The following SF3B1 variants were observed in gnomAD, a reference collection of about 807,000 sequenced individuals.
SF3B1 encodes splicing factor 3b subunit 1, also known as pre-mRNA processing 10.
Under a neutral mutation model 153.8 loss-of-function variants are expected in SF3B1, and 12 were observed. The ratio of observed to expected loss-of-function variants is 0.08; its 90% CI spans 0.05 to 0.13. The LOEUF (loss-of-function observed/expected upper bound fraction) is 0.13, where lower values mean the gene tolerates loss of function less well. SF3B1 is among the 10% of genes least tolerant of loss of function. The probability of loss-of-function intolerance (pLI) is 1.00; values close to 1 mark genes in which losing one functional copy is unlikely to be tolerated. For synonymous variants in SF3B1, 498 were observed against 525.2 expected, an observed-to-expected ratio of 0.95 and a Z score of 0.71; for missense variants, 513 against 1,606.1, an observed-to-expected ratio of 0.32 and a Z score of 11.63.
rs936292721 is a variant in SF3B1 at position 197,400,614 on chromosome 2, CTTCAAA to C, written c.2718+95_2718+100del. 9.4e-7 allele frequency: 1 copy of C among 1,067,208 alleles called. No homozygotes were observed. The highest frequency in any genetic ancestry group is 1.4e-6 in the Non-Finnish European group (1 of 739,646). 66.1% of individuals were successfully genotyped at this position (1,067,208 alleles called of 1,614,324 possible). The stretch of plus-strand genomic sequence containing the variant: ...AACCCCCTGAGCATTTTAAAAATTA[CTTCAAA>C]TTCAATTGCATTCTAGAAAAATTTG... On this transcript the variant is annotated intron_variant, in intron 18 of 24. Transcript: ENST00000335508. This position sits in a 1 kb window ranked among gnomAD's most constrained non-coding sequence, Gnocchi z 5.0.
chr2:197,419,242 T>C, intron 4 of SF3B1: 1 of 390,596 alleles, frequency 2.6e-6, no homozygotes, highest in Non-Finnish European at 4.6e-6. Context: ...AACATATTAC[T>C]TTAAATATAT....
intron 9 of SF3B1, among the ~76,000 whole-genome samples, chr2:197,406,569 G>A (rs760198687): frequency 3.9e-5 from 6 of 152,254 alleles, no homozygotes; most frequent in Non-Finnish European, 2.9e-5. Flanking sequence ...TAGTAAGGAC[G>A]TTGCTTATTA....
At position 197,400,711 on chromosome 2, in the gene SF3B1, T is replaced by C. The variant is rs1274587209; in HGVS notation, c.2718+4A>G. The C allele has an allele frequency of 6.3e-7, 1 of 1,585,452 alleles. No individual in the cohort carries two copies. On this transcript the variant is annotated splice_donor_region_variant and intron_variant, in intron 18 of 24. Coordinates refer to ENST00000335508, the MANE Select transcript of SF3B1 (RefSeq NM_012433.4). The surrounding 1 kb of genome is among the most constrained non-coding windows in gnomAD (Gnocchi z 5.0). ...TAGCAATGTGCCATAATAGTTTTCA[T>C]TACCTCTGTAGTCTGTTCTTGGAAA...
At chr2:197,416,683 C>T (rs549314310) in intron 6 of SF3B1, 58 bp downstream of exon 6, 1 of 1,472,144 alleles carries the variant, frequency 6.8e-7, no homozygotes, top group Non-Finnish European at 9.3e-7. Context: ...CAGACTAATA[C>T]AGTCCATAAC....
At chr2:197,414,411 A>G (rs1178750084) in intron 6 of SF3B1, among the ~76,000 whole-genome samples, 1 of 152,144 alleles carries the variant, frequency 6.6e-6, no homozygotes, top group Admixed American at 6.6e-5. Flanking sequence ...ATAACACCCC[A>G]AAGTTCAGAG....
rs2084793414 is a variant in SF3B1 at position 197,390,010 on chromosome 2, A to T, written c.*2293T>A. The T allele has an allele frequency of 6.6e-6, 1 of 152,242 alleles. No homozygotes were observed. Among genetic ancestry groups the T allele is most frequent in the South Asian group, 2.1e-4 (1 of 4,834 alleles). The allele number at this position is 152,242 out of a possible 1,614,324, so 9.4% of individuals were successfully genotyped here. On this transcript the variant is annotated 3_prime_UTR_variant, in exon 25 of 25. Transcript: ENST00000335508. Reference sequence around the variant, plus strand: ...AAGAAACACCAAAAGAAAATACAAAAGAAAAGGTCTTTGAGAAGATAGGTA... The same window carrying T: ...AAGAAACACCAAAAGAAAATACAAATGAAAAGGTCTTTGAGAAGATAGGTA...
At chr2:197,399,979 G>C (rs1000650074) in intron 20 of SF3B1, 76 bp downstream of exon 20, 1 of 1,042,662 alleles carries the variant, frequency 9.6e-7, no homozygotes, top group Admixed American at 2.3e-5. Flanking sequence ...TCCTAAATAA[G>C]ATTTTACTTA....
chr2:197,416,051 T>C (rs1481937536), intron 6 of SF3B1, among the ~76,000 whole-genome samples: 1 of 145,874 alleles, frequency 6.9e-6, no homozygotes, highest in Non-Finnish European at 1.5e-5. Flanking sequence ...CTCCTTGAGC[T>C]CAACCAATCC....
At chr2:197,431,076 T>G (rs1018524651) in intron 1 of SF3B1, among the ~76,000 whole-genome samples, 17 of 147,850 alleles carry the variant, frequency 1.1e-4, no homozygotes, top group Non-Finnish European at 6.0e-5. Flanking sequence ...ATTCTGTCCC[T>G]CTGATTTCCC....
At position 197,404,423 on chromosome 2, in the gene SF3B1, T is replaced by C. The variant is rs183323868; in HGVS notation, c.1539+653A>G. Among the ~76,000 whole-genome samples the C allele has an allele frequency of 2.2e-3, 330 of 152,130 alleles. 2 individuals carry two copies. The highest frequency in any genetic ancestry group is 3.4e-3 in the Middle Eastern group (1 of 294). On this transcript the variant is annotated intron_variant, in intron 11 of 24. Coordinates refer to ENST00000335508, the MANE Select transcript of SF3B1 (RefSeq NM_012433.4). ...GGTGAAACCCCGTTTCTACTAAAAA[T>C]ACAGAAATTAGCAGGGCGTGGTGGT...
intron 1 of SF3B1, among the ~76,000 whole-genome samples, chr2:197,433,840 G>A (rs1349590698): frequency 6.6e-6 from 1 of 152,172 alleles, no homozygotes; most frequent in Non-Finnish European, 1.5e-5. Flanking sequence ...AGGCTCAGAT[G>A]TCCTTCCCGA....
At chr2:197,420,356 AAATC>A (rs1414596000) in intron 4 of SF3B1, 68 bp downstream of exon 4, 1 of 1,186,286 alleles carries the variant, frequency 8.4e-7, no homozygotes, top group Admixed American at 1.9e-5. Flanking sequence ...ATGCCAAAAA[AAATC>A]AAAGGGCTAA....
At chr2:197,433,328 T>C (rs2085470844) in intron 1 of SF3B1, among the ~76,000 whole-genome samples, 1 of 152,220 alleles carries the variant, frequency 6.6e-6, no homozygotes, top group Non-Finnish European at 1.5e-5. Flanking sequence ...GACCAAAGTT[T>C]TTAGCTGGGT....
At chr2:197,430,977 A>G (rs2085422194) in intron 1 of SF3B1, among the ~76,000 whole-genome samples, 1 of 152,068 alleles carries the variant, frequency 6.6e-6, no homozygotes, top group Admixed American at 6.6e-5. Context: ...TAAAACTCAG[A>G]CCTACATATC....
chr2:197,420,975 A>T, intron 3 of SF3B1, 54 bp downstream of exon 3: 1 of 1,081,110 alleles, frequency 9.2e-7, no homozygotes, highest in Non-Finnish European at 1.4e-6. Context: ...ATGGGAACTC[A>T]GACATTCACT....
rs114892830 is a variant in SF3B1 at position 197,400,613 on chromosome 2, A to T, written c.2718+102T>A. 2.7e-3 allele frequency: 2,809 copies of T among 1,058,942 alleles called. 57 individuals are homozygous for T. The African/African-American group carries it at 0.04, about 15-fold the overall frequency. The allele number at this position is 1,058,942 out of a possible 1,614,324, so 65.6% of individuals were successfully genotyped here. ...TAACCCCCTGAGCATTTTAAAAATTACTTCAAATTCAATTGCATTCTAGAA... is the reference window on the plus strand; with the variant it reads ...TAACCCCCTGAGCATTTTAAAAATTTCTTCAAATTCAATTGCATTCTAGAA... On this transcript the variant is annotated intron_variant, in intron 18 of 24. Transcript: ENST00000335508. This position sits in a 1 kb window ranked among gnomAD's most constrained non-coding sequence, Gnocchi z 5.0.
intron 5 of SF3B1, among the ~76,000 whole-genome samples, chr2:197,417,469 G>A (rs550999786): frequency 1.5e-3 from 233 of 151,590 alleles, no homozygotes; most frequent in Non-Finnish European, 2.4e-3. Flanking sequence ...TGGGTACGGT[G>A]GCTCACACCT....
chr2:197,392,435 G>C lies in SF3B1; in HGVS notation c.3783C>G (p.Val1261=), dbSNP rs748180721. The C allele has an allele frequency of 6.2e-7, 1 of 1,608,404 alleles. No homozygotes were observed. ...TGTAAATTTTCCAATATACATCTCTGACTTTCCGGGCTGGGTGAAACAGAC... is the reference window on the plus strand; with the variant it reads ...TGTAAATTTTCCAATATACATCTCTCACTTTCCGGGCTGGGTGAAACAGAC... The part of the protein sequence containing the change: ...LQGLFHPARK[V]RDVYWKIYNS... The change falls in exon 25 of 25, where the codon GTC becomes GTG. Residue 1261 remains valine (V), a synonymous_variant. Transcript: ENST00000335508.
intron 22 of SF3B1, among the ~76,000 whole-genome samples, chr2:197,397,758 C>T (rs977600445): frequency 4.6e-5 from 7 of 151,458 alleles, no homozygotes; most frequent in South Asian, 2.1e-4. Context: ...GATTGAATCA[C>T]TGCATTCCAG....
Sources: gnomAD v4.1 joint callset for allele counts (sites outside exome capture counted in the v4.1 genomes callset) on GRCh38, gnomAD v4.1.1 for gene constraint, Gnocchi (gnomAD v3.1) non-coding constraint, MANE v1.5 for transcripts, NCBI Gene and HGNC (gene_info 2026-07-23, HGNC 2026-07-21) for gene names.